Variants in TNFRSF13B observed in about 807,000 individuals in gnomAD.
The protein encoded by TNFRSF13B is TNF receptor superfamily member 13B, also known as tumor necrosis factor receptor superfamily member 13B.
A neutral mutation model predicts 24.0 loss-of-function variants in TNFRSF13B; 34 were observed. The ratio of observed to expected loss-of-function variants is 1.41; its 90% confidence interval spans 1.08 to 1.88. TNFRSF13B has a LOEUF of 1.88. TNFRSF13B is among the 40% of genes most tolerant of loss of function. The pLI is 0.00. For missense variants in TNFRSF13B, 415 were observed against 380.8 expected (o/e 1.09, Z -0.75); for synonymous variants, 173 against 150.3 (o/e 1.15, Z -1.10).
intron 3 of TNFRSF13B, among the ~76,000 whole-genome samples, chr17:16,947,037 C>G (rs1242418800): frequency 6.6e-6 from 1 of 152,136 alleles, no homozygotes; most frequent in Non-Finnish European, 1.5e-5. Flanking sequence ...AGCAGATGCA[C>G]AAAGAAGAGC....
chr17:16,945,054 A>G (rs1311804079), intron 3 of TNFRSF13B, among the ~76,000 whole-genome samples: 1 of 152,208 alleles, frequency 6.6e-6, no homozygotes, highest in Non-Finnish European at 1.5e-5. Context: ...TCAGAACAGA[A>G]CAGACCTTAA....
At chr17:16,959,276 A>C (rs1480656198) in intron 1 of TNFRSF13B, among the ~76,000 whole-genome samples, 1 of 152,062 alleles carries the variant, frequency 6.6e-6, no homozygotes, top group African/African-American at 2.4e-5. Context: ...ATCTTGAGAC[A>C]AATGAAAATG....
chr17:16,967,391 T>G (rs760923739), intron 1 of TNFRSF13B, among the ~76,000 whole-genome samples: 4 of 151,920 alleles, frequency 2.6e-5, no homozygotes, highest in Non-Finnish European at 5.9e-5. Context: ...TGGAGGTTAT[T>G]TTTGAAAAAA....
intron 3 of TNFRSF13B, among the ~76,000 whole-genome samples, chr17:16,943,366 C>T (rs1217482816): frequency 6.6e-6 from 1 of 152,182 alleles, no homozygotes; most frequent in Non-Finnish European, 1.5e-5. Context: ...ACCTTATTCC[C>T]AGAAGGGGTC....
rs778108471 is a variant in TNFRSF13B at position 16,939,560 on chromosome 17, C to A, written c.869G>T (p.Gly290Val). ...GIVCVPAQEG[G>V]PGA ...CCTGACCCCCATTTATGCACCTGGG[C>A]CCCCCTCCTGGGCAGGCACACACAC... The change falls in exon 5 of 5, where the codon GGC (glycine) becomes GTC (valine). Residue 290 changes from glycine (G) to valine (V), a missense_variant. Transcript: ENST00000261652. 1 of 1,613,066 alleles carries A rather than the reference C, an allele frequency of 6.2e-7. No homozygotes were observed. The highest frequency in any genetic ancestry group is 1.7e-5 in the Admixed American group (1 of 59,876).
At chr17:16,959,332 A>G (rs1428791716) in intron 1 of TNFRSF13B, among the ~76,000 whole-genome samples, 2 of 152,066 alleles carry the variant, frequency 1.3e-5, no homozygotes, top group African/African-American at 4.8e-5. Flanking sequence ...AAAGCAATGC[A>G]AAGAGGGAAA....
At chr17:16,957,384 A>G (rs192767500) in intron 1 of TNFRSF13B, among the ~76,000 whole-genome samples, 19 of 152,206 alleles carry the variant, frequency 1.2e-4, no homozygotes, top group African/African-American at 4.3e-4. Flanking sequence ...GTACTAATGT[A>G]TGCTCATAGA....
intron 1 of TNFRSF13B, among the ~76,000 whole-genome samples, chr17:16,959,726 T>C (rs1385509457): frequency 6.6e-6 from 1 of 152,046 alleles, no homozygotes; most frequent in East Asian, 1.9e-4. Context: ...TTGGATAACC[T>C]AGATAAAAAT....
intron 3 of TNFRSF13B, chr17:16,941,128 A>G (rs2087507076): frequency 1.3e-6 from 1 of 749,932 alleles, no homozygotes; most frequent in Admixed American, 5.8e-5. Context: ...GTTTAGGGAT[A>G]ACAATGAGAA....
In TNFRSF13B at chr17:16,939,373, C is replaced by CT. The variant is rs1353237289; in HGVS notation, c.*173_*174insA. 4 of 730,826 alleles carry CT rather than the reference C, an allele frequency of 5.5e-6. No individual in the cohort carries two copies. The highest frequency in any genetic ancestry group is 4.9e-5 in the South Asian group (2 of 41,090). The allele number at this position is 730,826 out of a possible 1,614,324, so 45.3% of individuals were successfully genotyped here. A position where few individuals can be genotyped will look rare whatever the true frequency, so the allele number is the denominator to read the frequency against. ...CCTCTTTCCCTCTCTGCCTCTCTTC[C>CT]CCTCTGTCTCTCTCTCCCTCTGTCT... is the stretch of plus-strand genomic sequence containing the variant. On this transcript the variant is annotated 3_prime_UTR_variant, in exon 5 of 5. Coordinates refer to ENST00000261652, the MANE Select transcript of TNFRSF13B (RefSeq NM_012452.3).
chr17:16,955,070 G>T (rs941286758), intron 1 of TNFRSF13B, among the ~76,000 whole-genome samples: 1 of 152,186 alleles, frequency 6.6e-6, no homozygotes, highest in Non-Finnish European at 1.5e-5. Flanking sequence ...CACTGACAGC[G>T]GGAGATTCTC....
In TNFRSF13B at chr17:16,939,394, T is replaced by A; in HGVS notation, c.*153A>T. On this transcript the variant is annotated 3_prime_UTR_variant, in exon 5 of 5. Transcript: ENST00000261652. ...CTTCCCCTCTGTCTCTCTCTCCCTC[T>A]GTCTCTCTCTCCCTCTCTGTCTCCT... The A allele has an allele frequency of 1.1e-6, 1 of 902,520 alleles. No homozygotes were observed. The highest frequency in any genetic ancestry group is 1.6e-6 in the Non-Finnish European group (1 of 624,116). The allele number at this position is 902,520 out of a possible 1,614,324, so 55.9% of individuals were successfully genotyped here. A position where few individuals can be genotyped will look rare whatever the true frequency, so the allele number is the denominator to read the frequency against.
intron 1 of TNFRSF13B, among the ~76,000 whole-genome samples, chr17:16,967,890 C>A (rs1257886915): frequency 6.6e-6 from 1 of 150,788 alleles, no homozygotes; most frequent in Admixed American, 6.6e-5. Flanking sequence ...GTAATCCCAG[C>A]ACTTTGGGAT....
At chr17:16,946,712 CA>C (rs1390506818) in intron 3 of TNFRSF13B, among the ~76,000 whole-genome samples, 2 of 151,984 alleles carry the variant, frequency 1.3e-5, no homozygotes, top group Admixed American at 6.6e-5. Context: ...CTCAGCCTCC[CA>C]AGTAGCTGGG....
chr17:16,960,523 C>G (rs776813519), intron 1 of TNFRSF13B, among the ~76,000 whole-genome samples: 3 of 152,170 alleles, frequency 2.0e-5, no homozygotes, highest in East Asian at 1.9e-4. Flanking sequence ...AAAGGACAGT[C>G]TCTTCCATAA....
intron 3 of TNFRSF13B, 78 bp from the exon 4 acceptor site, chr17:16,940,589 C>A: frequency 1.3e-6 from 2 of 1,552,212 alleles, no homozygotes; most frequent in South Asian, 1.2e-5. Context: ...CCACATCCCC[C>A]CATCCCCCTG....
At chr17:16,941,236 C>T (rs1022648065) in intron 3 of TNFRSF13B, 18 of 987,370 alleles carry the variant, frequency 1.8e-5, no homozygotes, top group African/African-American at 1.6e-4. Context: ...ATGGGTCGCA[C>T]GACACAGAGG....
intron 1 of TNFRSF13B, among the ~76,000 whole-genome samples, chr17:16,958,872 A>T (rs952899259): frequency 6.6e-5 from 10 of 152,088 alleles, no homozygotes; most frequent in African/African-American, 2.4e-4. Flanking sequence ...ATATTGGGAT[A>T]TTTCAGTACC....
chr17:16,961,938 C>T (rs554919954), intron 1 of TNFRSF13B, among the ~76,000 whole-genome samples: 20 of 152,270 alleles, frequency 1.3e-4, no homozygotes, highest in East Asian at 5.8e-4. Flanking sequence ...AAAAAAACCA[C>T]GGGTAGAACA....
Sources: allele counts gnomAD v4.1 joint callset (sites outside exome capture counted in the v4.1 genomes callset), GRCh38; gene constraint gnomAD v4.1.1; transcripts MANE v1.5; gene names NCBI Gene and HGNC (gene_info 2026-07-23, HGNC 2026-07-21).